Variants in TFAP2B observed in about 807,000 individuals in gnomAD.
TFAP2B encodes the protein transcription factor AP-2-beta.
A neutral mutation model predicts 44.3 loss-of-function variants in TFAP2B; 9 were observed. That is an observed-to-expected ratio of 0.20 (90% CI 0.12 to 0.35). The LOEUF (loss-of-function observed/expected upper bound fraction) is 0.35, where lower values mean the gene tolerates loss of function less well. Ranked by LOEUF, TFAP2B falls within the 10% of genes least tolerant of loss-of-function variation. The pLI, the probability that TFAP2B is intolerant of heterozygous loss-of-function variation, is 1.00. For synonymous variants in TFAP2B, 270 were observed against 263.8 expected (o/e 1.02, Z -0.23); for missense variants, 509 against 600.0 (o/e 0.85, Z 1.59).
intron 6 of TFAP2B, among the ~76,000 whole-genome samples, chr6:50,841,254 C>A (rs1055410217): frequency 6.6e-6 from 1 of 152,192 alleles, no homozygotes; most frequent in Non-Finnish European, 1.5e-5. Flanking sequence ...TTTTTTGGCA[C>A]TTTGGTAATG....
At chr6:50,839,195 C>A (rs1762677793) in intron 5 of TFAP2B, among the ~76,000 whole-genome samples, 1 of 152,134 alleles carries the variant, frequency 6.6e-6, no homozygotes, top group Admixed American at 6.5e-5. Flanking sequence ...TCAAGGTAAC[C>A]TTAGCTCAAG....
Position 50,845,070 on chromosome 6 carries a change from T to C in TFAP2B, c.*1678T>C, listed in dbSNP as rs551048493. ...GCTCCATCTTAGCATTATCATGAAA[T>C]AAGATCTGGAATCCATTGTCTGCAC... is the stretch of plus-strand genomic sequence containing the variant. On this transcript the variant is annotated 3_prime_UTR_variant, in exon 7 of 7. Transcript: ENST00000393655. 3.3e-5 allele frequency: 5 copies of C among 152,272 alleles called. No individual in the cohort carries two copies. Among genetic ancestry groups the C allele is most frequent in the East Asian group, 1.9e-4 (1 of 5,176 alleles). 9.4% of individuals were successfully genotyped at this position (152,272 alleles called of 1,614,324 possible).
At chr6:50,830,345 C>T (rs1401197419) in intron 3 of TFAP2B, 1 of 977,844 alleles carries the variant, frequency 1.0e-6, no homozygotes, top group African/African-American at 1.8e-5. Context: ...CAAAACAGAG[C>T]TGAAGATTTT....
At chr6:50,819,069 C>T (rs1478745506) in intron 1 of TFAP2B, 97 bp downstream of exon 1, 4 of 1,216,696 alleles carry the variant, frequency 3.3e-6, no homozygotes, top group Middle Eastern at 2.1e-4. Context: ...GCTATTTACT[C>T]GTAGATTTCC....
Position 50,836,288 on chromosome 6 carries a change from C to T in TFAP2B, c.821+8C>T. On this transcript the variant is annotated splice_region_variant and intron_variant, in intron 4 of 6. Transcript: ENST00000393655. ...CGGCGGAGTCCTCAGAAGGTAACCC[C>T]ACCACGAAAAACAAAAACAAAAACA... is the stretch of plus-strand genomic sequence containing the variant. The T allele has an allele frequency of 6.2e-7, 1 of 1,608,370 alleles. No individual in the cohort carries two copies.
chr6:50,835,160 A>C (rs1762594657), intron 3 of TFAP2B, among the ~76,000 whole-genome samples: 1 of 152,208 alleles, frequency 6.6e-6, no homozygotes, highest in South Asian at 2.1e-4. Flanking sequence ...CTTCTGCATA[A>C]AACATACCTT....
intron 1 of TFAP2B, among the ~76,000 whole-genome samples, chr6:50,819,968 G>C (rs898477010): frequency 2.6e-5 from 4 of 152,168 alleles, no homozygotes; most frequent in Non-Finnish European, 4.4e-5. Flanking sequence ...AATGGTCTGG[G>C]ACAGCCCCAG....
rs768340072 is a variant in TFAP2B at position 50,843,194 on chromosome 6, C to A, written c.1185C>A (p.Leu395=). Residue 395 remains leucine, a synonymous_variant, in exon 7 of 7, where the codon CTC becomes CTA. Coordinates refer to ENST00000393655, the MANE Select transcript of TFAP2B (RefSeq NM_003221.4). The part of the protein sequence containing the change: ...PILEPGIQSC[L]THFSLITHGF... ...TGGAGCCGGGGATCCAGAGCTGCCTCACGCACTTCAGCCTCATCACGCACG... is the reference window on the plus strand; with the variant it reads ...TGGAGCCGGGGATCCAGAGCTGCCTAACGCACTTCAGCCTCATCACGCACG... The A allele has an allele frequency of 6.2e-7, 1 of 1,614,132 alleles. No homozygotes were observed. The highest frequency in any genetic ancestry group is 2.2e-5 in the East Asian group (1 of 44,888).
Position 50,823,485 on chromosome 6 carries a change from G to T in TFAP2B, c.160G>T (p.Ala54Ser), listed in dbSNP as rs1012255408. 6.2e-7 allele frequency: 1 copy of T among 1,611,840 alleles called. No individual in the cohort carries two copies. Among genetic ancestry groups the T allele is most frequent in the Non-Finnish European group, 8.5e-7 (1 of 1,179,336 alleles). The stretch of plus-strand genomic sequence containing the variant: ...GGTGTCCCAAGGACCCTACTCGAGC[G>T]CCCCGCCGCTGTCCCACACCCCGTC... ...GSVSQGPYSS[A>S]PPLSHTPSSD... The change falls in exon 2 of 7, where the codon GCC (alanine) becomes TCC (serine). Residue 54 changes from alanine (A) to serine (S), a missense_variant. Physicochemically the swap from Ala to Ser is moderately conservative, Grantham distance 99. Transcript: ENST00000393655.
intron 2 of TFAP2B, 112 bp from the exon 3 acceptor site, chr6:50,828,507 G>A (rs1770586980): frequency 1.1e-6 from 1 of 878,120 alleles, no homozygotes; most frequent in East Asian, 2.5e-5. Flanking sequence ...ACAGCCCTTT[G>A]TGAATTAATA....
chr6:50,835,910 A>G (rs1055185832), intron 3 of TFAP2B, 151 bp from the exon 4 acceptor site: 7 of 759,804 alleles, frequency 9.2e-6, no homozygotes, highest in Non-Finnish European at 4.7e-6. Flanking sequence ...CAGCTCTCTG[A>G]ACGCACTGCA....
intron 1 of TFAP2B, among the ~76,000 whole-genome samples, chr6:50,822,923 G>A (rs749607371): frequency 4.6e-5 from 7 of 152,152 alleles, no homozygotes; most frequent in Admixed American, 2.0e-4. Flanking sequence ...TAATCAGGGG[G>A]AGCAGCACAG....
intron 3 of TFAP2B, among the ~76,000 whole-genome samples, chr6:50,829,832 T>C (rs1770626083): frequency 6.6e-6 from 1 of 152,214 alleles, no homozygotes; most frequent in Admixed American, 6.5e-5. Context: ...AGAGTAGCTT[T>C]GAAAGGTGGG....
rs1481727244 is a variant in TFAP2B at position 50,844,197 on chromosome 6, A to G, written c.*805A>G. On this transcript the variant is annotated 3_prime_UTR_variant, in exon 7 of 7. Coordinates refer to ENST00000393655, the MANE Select transcript of TFAP2B (RefSeq NM_003221.4). ...TTCAAACATCATCAGTTCCTTTCAGAAATGTTACTAGCTCCCAGCCTTGCC... is the reference window on the plus strand; with the variant it reads ...TTCAAACATCATCAGTTCCTTTCAGGAATGTTACTAGCTCCCAGCCTTGCC... 2.0e-5 allele frequency: 3 copies of G among 152,160 alleles called. No individual in the cohort carries two copies. The highest frequency in any genetic ancestry group is 7.2e-5 in the African/African-American group (3 of 41,436). The allele number at this position is 152,160 out of a possible 1,614,324, so 9.4% of individuals were successfully genotyped here. A position where few individuals can be genotyped will look rare whatever the true frequency, so the allele number is the denominator to read the frequency against.
intron 3 of TFAP2B, among the ~76,000 whole-genome samples, chr6:50,829,398 GT>G (rs780887140): frequency 2.0e-5 from 3 of 152,174 alleles, no homozygotes; most frequent in African/African-American, 4.8e-5. Context: ...CATTTTGGGT[GT>G]ATTGCAGCTG....
rs1368964474 is a variant in TFAP2B at position 50,840,222 on chromosome 6, T to C, written c.1007T>C (p.Val336Ala). ...ICETEFPAKA[V>A]SEYLNRQHTD... Reference sequence around the variant, plus strand: ...GAAACGGAGTTTCCCGCCAAAGCCGTCTCTGAGTATTTGAACCGGCAGCAC... The same window carrying C: ...GAAACGGAGTTTCCCGCCAAAGCCGCCTCTGAGTATTTGAACCGGCAGCAC... Residue 336 changes from valine (V) to alanine (A), a missense_variant, in exon 6 of 7, where the codon GTC (valine) becomes GCC (alanine). By Grantham distance (64) the Val-to-Ala change is moderately conservative. Coordinates refer to ENST00000393655, the MANE Select transcript of TFAP2B (RefSeq NM_003221.4). 7 of 1,614,074 alleles carry C rather than the reference T, an allele frequency of 4.3e-6. No homozygotes were observed. The highest frequency in any genetic ancestry group is 5.9e-6 in the Non-Finnish European group (7 of 1,180,006).
chr6:50,836,319 A>C, intron 4 of TFAP2B, 39 bp downstream of exon 4: 1 of 1,548,482 alleles, frequency 6.5e-7, no homozygotes, highest in African/African-American at 1.4e-5. Flanking sequence ...AAACAAAAAA[A>C]CAAACAAAAA....
chr6:50,840,441 G>A (rs570670585), intron 6 of TFAP2B, 144 bp downstream of exon 6: 17 of 1,043,404 alleles, frequency 1.6e-5, no homozygotes, highest in Non-Finnish European at 2.3e-5. Flanking sequence ...AGCAAGGTAG[G>A]CAGAGTTGAT....
chr6:50,824,626 G>A (rs991674416), intron 2 of TFAP2B, among the ~76,000 whole-genome samples: 11 of 152,048 alleles, frequency 7.2e-5, no homozygotes, highest in African/African-American at 2.2e-4. Context: ...CCTGGCCTCC[G>A]CCTATATTAA....
Sources: gnomAD v4.1 joint callset for allele counts (sites outside exome capture counted in the v4.1 genomes callset) on GRCh38, gnomAD v4.1.1 for gene constraint, MANE v1.5 for transcripts, NCBI Gene and HGNC (gene_info 2026-07-23, HGNC 2026-07-21) for gene names.